The following TUBGCP3 variants were observed in gnomAD, a reference collection of about 807,000 sequenced individuals.
TUBGCP3 encodes tubulin gamma complex component 3.
In TUBGCP3, 50 loss-of-function variants were observed where a neutral mutation model predicts 123.1. The observed-to-expected ratio is 0.41, with a 90% confidence interval of 0.32 to 0.51. The LOEUF (loss-of-function observed/expected upper bound fraction) is 0.51, where lower values mean the gene tolerates loss of function less well. Among genes scored for constraint, TUBGCP3 ranks in the 20% least tolerant of loss-of-function variants. The probability of loss-of-function intolerance (pLI) is 0.36; values close to 1 mark genes in which losing one functional copy is unlikely to be tolerated. For synonymous variants in TUBGCP3, 405 were observed against 413.9 expected, an observed-to-expected ratio of 0.98 and a Z score of 0.26; for missense variants, 882 against 1,127.0, an observed-to-expected ratio of 0.78 and a Z score of 3.11.
In TUBGCP3 at chr13:112,499,203, GT is replaced by G; in HGVS notation, c.2308-19del. ...AAAAGTGCCTGAAAGAGATGACAAT[GT>G]TTTATGAATAGAGCCTCAACCAGCT... On this transcript the variant is annotated intron_variant, in intron 19 of 21. Transcript: ENST00000261965. 3 of 1,590,972 alleles carry G rather than the reference GT, an allele frequency of 1.9e-6. No homozygotes were observed. Among genetic ancestry groups the G allele is most frequent in the Non-Finnish European group, 2.6e-6 (3 of 1,170,176 alleles).
intron 16 of TUBGCP3, among the ~76,000 whole-genome samples, chr13:112,517,879 G>A (rs762719062): frequency 6.6e-5 from 10 of 152,144 alleles, no homozygotes; most frequent in African/African-American, 9.7e-5. Flanking sequence ...GTGACAGAGT[G>A]AGACTCTGTG....
chr13:112,533,623 C>T (rs1877778497), intron 11 of TUBGCP3, among the ~76,000 whole-genome samples: 1 of 151,850 alleles, frequency 6.6e-6, no homozygotes, highest in African/African-American at 2.4e-5. Context: ...TCAACAGGAA[C>T]CACACAGTTC....
At chr13:112,500,322 AC>A (rs990076987) in intron 19 of TUBGCP3, among the ~76,000 whole-genome samples, 1 of 152,206 alleles carries the variant, frequency 6.6e-6, no homozygotes, top group African/African-American at 2.4e-5. Flanking sequence ...GTCTTTGCAA[AC>A]AAAACAGCCA....
intron 1 of TUBGCP3, 127 bp from the exon 2 acceptor site, chr13:112,569,386 A>G (rs1176533250): frequency 7.0e-6 from 5 of 709,410 alleles, no homozygotes; most frequent in South Asian, 3.7e-5. Context: ...GTCTTAACTG[A>G]GAGGACAGAA....
At chr13:112,602,376 A>G in the TUBGCP3 span, among the ~76,000 whole-genome samples, 1 of 152,232 alleles carries the variant, frequency 6.6e-6, no homozygotes, top group East Asian at 1.9e-4. Context: ...TTAATAATAT[A>G]AAGATGGAGA....
At chr13:112,568,329 G>A (rs1226136210) in intron 2 of TUBGCP3, among the ~76,000 whole-genome samples, 1 of 150,720 alleles carries the variant, frequency 6.6e-6, no homozygotes, top group African/African-American at 2.4e-5. Context: ...GTTTCTAGAA[G>A]GTGTTACTAC....
the TUBGCP3 span, among the ~76,000 whole-genome samples, chr13:112,602,022 G>C: frequency 6.6e-6 from 1 of 152,206 alleles, no homozygotes; most frequent in Non-Finnish European, 1.5e-5. Context: ...ACTGAACAAG[G>C]TCAGTCTTGT....
At chr13:112,587,588 T>C (rs1882703712) in intron 1 of TUBGCP3, among the ~76,000 whole-genome samples, 1 of 152,190 alleles carries the variant, frequency 6.6e-6, no homozygotes, top group African/African-American at 2.4e-5. Flanking sequence ...GCGAGCGGAG[T>C]GAGCGGTGAC....
upstream of TUBGCP3, among the ~76,000 whole-genome samples, chr13:112,588,605 T>TC (rs566580378): frequency 1.3e-4 from 19 of 151,668 alleles, no homozygotes; most frequent in Admixed American, 4.6e-4. Context: ...CGCGGGCCGG[T>TC]CCCCCCCGGC....
rs1250199674 is a variant in TUBGCP3, at chr13:112,587,939, C to T, written c.42G>A (p.Gln14=). 1.9e-6 allele frequency: 3 copies of T among 1,594,610 alleles called. No homozygotes were observed. Among genetic ancestry groups the T allele is most frequent in the Non-Finnish European group, 2.6e-6 (3 of 1,171,996 alleles). ...TGCCCAGGATCCTGCAGCACAGGTTCTGCAGCAGAACGTTCGGCGACTTCT... is the reference window on the plus strand; with the variant it reads ...TGCCCAGGATCCTGCAGCACAGGTTTTGCAGCAGAACGTTCGGCGACTTCT... ...PDQKSPNVLL[Q]NLCCRILGRS... The change falls in exon 1 of 22, where the codon CAG becomes CAA. Residue 14 remains glutamine (Q), a synonymous_variant. Transcript: ENST00000261965.
chr13:112,545,756 A>G lies in TUBGCP3; in HGVS notation c.1278T>C (p.Val426=). The change falls in exon 11 of 22, where the codon GTT becomes GTC. Residue 426 remains valine (V), a synonymous_variant. Transcript: ENST00000261965. This position sits in a 1 kb window ranked among gnomAD's most constrained non-coding sequence, Gnocchi z 4.1. ...QHILSLVSHP[V]LSFLYRWIYD... ...ATATCCAGCGGTACAGGAAGCTCAA[A>G]ACAGGATGAGACACGAGGCTGAGGA... 6.2e-7 allele frequency: 1 copy of G among 1,614,190 alleles called. No homozygotes were observed. Among genetic ancestry groups the G allele is most frequent in the South Asian group, 1.1e-5 (1 of 91,082 alleles).
intron 2 of TUBGCP3, 33 bp from the exon 3 acceptor site, chr13:112,565,211 C>T (rs3783159): frequency 0.19 from 303,435 of 1,578,536 alleles, 30,783 homozygotes; most frequent in East Asian, 0.27. Context: ...AGTGTGGTAA[C>T]TACAAACACC....
intron 3 of TUBGCP3, among the ~76,000 whole-genome samples, chr13:112,560,213 G>A (rs867525121): frequency 1.3e-4 from 20 of 150,946 alleles, no homozygotes; most frequent in South Asian, 6.2e-4. Context: ...GGCGGATCAC[G>A]AGGTCAGGAG....
intron 19 of TUBGCP3, among the ~76,000 whole-genome samples, chr13:112,502,743 C>T (rs1214235363): frequency 6.6e-6 from 1 of 151,848 alleles, no homozygotes; most frequent in Non-Finnish European, 1.5e-5. Context: ...GACGGGGTTT[C>T]ACAGTCTTAC....
rs1876837595 is a variant in TUBGCP3 at position 112,524,006 on chromosome 13, G to A, written c.1556-1497C>T. Among the ~76,000 whole-genome samples, 1 of 152,062 alleles carries A rather than the reference G, an allele frequency of 6.6e-6. No individual in the cohort carries two copies. Among genetic ancestry groups the A allele is most frequent in the African/African-American group, 2.4e-5 (1 of 41,398 alleles). On this transcript the variant is annotated intron_variant, in intron 13 of 21. Transcript: ENST00000261965. This position sits in a 1 kb window ranked among gnomAD's most constrained non-coding sequence, Gnocchi z 4.4. ...CTGGCAGCCATGGACAGGACGACGGGGACCACAGGAGTCGTCACAGAGAAG... is the reference window on the plus strand; with the variant it reads ...CTGGCAGCCATGGACAGGACGACGGAGACCACAGGAGTCGTCACAGAGAAG...
the TUBGCP3 span, among the ~76,000 whole-genome samples, chr13:112,593,610 T>C: frequency 6.6e-6 from 1 of 151,822 alleles, no homozygotes; most frequent in Non-Finnish European, 1.5e-5. Flanking sequence ...TAGGCGGAGA[T>C]TGCAGTGAGC....
chr13:112,554,838 CAT>C (rs766893694), intron 7 of TUBGCP3, 47 bp downstream of exon 7: 39 of 1,364,544 alleles, frequency 2.9e-5, no homozygotes, highest in Non-Finnish European at 3.8e-5. Flanking sequence ...GACTTCATGA[CAT>C]GTTTTTTCTT....
At chr13:112,492,263 TC>T (rs1880146330) in intron 20 of TUBGCP3, among the ~76,000 whole-genome samples, 1 of 152,374 alleles carries the variant, frequency 6.6e-6, no homozygotes, top group South Asian at 2.1e-4. Context: ...TTAAACAATA[TC>T]TTTTGATGCT....
chr13:112,527,398 A>T lies in TUBGCP3; in HGVS notation c.1422T>A (p.Phe474Leu). Residue 474 changes from phenylalanine (F) to leucine (L), a missense_variant, in exon 12 of 22, where the codon TTT becomes TTA. By Grantham distance (22) the Phe-to-Leu change is conservative. Around this residue, in one of 3 missense-constraint regions of TUBGCP3, gnomAD observed 713 missense variants for 874.0 expected, o/e 0.82. Transcript: ENST00000261965. ...YTLRKSMIPS[F>L]MTMDQSRKVL... is the part of the protein sequence containing the mutation. ...CCTTCCTAGACTGATCCATCGTCAT[A>T]AACGAAGGAATCATCGATTTCCTCA... 1 of 1,590,504 alleles carries T rather than the reference A, an allele frequency of 6.3e-7. No individual in the cohort carries two copies. The highest frequency in any genetic ancestry group is 8.5e-7 in the Non-Finnish European group (1 of 1,171,558).
Sources: gnomAD v4.1 joint callset for allele counts (sites outside exome capture counted in the v4.1 genomes callset) on GRCh38, gnomAD v4.1.1 for gene constraint, gnomAD v4.1.1 regional missense constraint, Gnocchi (gnomAD v3.1) non-coding constraint, MANE v1.5 for transcripts, NCBI Gene and HGNC (gene_info 2026-07-23, HGNC 2026-07-21) for gene names.